Variants in CACNA1I observed in about 807,000 individuals in gnomAD.
CACNA1I encodes calcium voltage-gated channel subunit alpha1 I, also known as voltage-dependent T-type calcium channel subunit alpha-1I.
Under a neutral mutation model 201.6 loss-of-function variants are expected in CACNA1I, and 74 were observed. The observed-to-expected ratio is 0.37, with a 90% confidence interval of 0.30 to 0.45. The LOEUF is 0.45. Ranked by LOEUF, CACNA1I falls within the 20% of genes least tolerant of loss-of-function variation. The pLI is 1.00. For missense variants in CACNA1I, 2,346 were observed against 3,138.1 expected (o/e 0.75, Z 6.03); for synonymous variants, 1,431 against 1,345.2 (o/e 1.06, Z -1.40).
intron 3 of CACNA1I, among the ~76,000 whole-genome samples, chr22:39,601,933 C>CT (rs1933061285): frequency 2.7e-5 from 1 of 36,634 alleles, no homozygotes; most frequent in African/African-American, 2.2e-4. Flanking sequence ...TTCCTTCCTG[C>CT]CTTCCTTCCT....
chr22:39,585,840 A>G (rs1461244474), intron 1 of CACNA1I, among the ~76,000 whole-genome samples: 1 of 141,128 alleles, frequency 7.1e-6, no homozygotes. Context: ...CTGGGGCTAT[A>G]GTGCACCACT....
In CACNA1I at chr22:39,570,795, C is replaced by T. The variant is rs1311458887; in HGVS notation, c.43C>T (p.Pro15Ser). ...CCCGCCCTCCTCATCTGCAGCAGCC[C>T]CAGCCGCTGAGCCAGGAGTCACCAC... ...ASPPSSSAAA[P>S]AAEPGVTTEQ... is the part of the protein sequence containing the mutation. The change falls in exon 1 of 37, where the codon CCA becomes TCA. Residue 15 changes from proline to serine, a missense_variant. Around this residue, in one of 13 missense-constraint regions of CACNA1I, gnomAD observed 130 missense variants for 160.7 expected, o/e 0.81. Coordinates refer to ENST00000402142, the MANE Select transcript of CACNA1I (RefSeq NM_021096.4). The T allele has an allele frequency of 1.2e-6, 2 of 1,612,920 alleles. No homozygotes were observed. Among genetic ancestry groups the T allele is most frequent in the East Asian group, 4.5e-5 (2 of 44,872 alleles).
chr22:39,651,466 C>T (rs374134003), intron 10 of CACNA1I, among the ~76,000 whole-genome samples: 2 of 152,342 alleles, frequency 1.3e-5, no homozygotes, highest in East Asian at 1.9e-4. Flanking sequence ...GGAGGGCTAG[C>T]GAGAGGGCTC....
rs1240665570 is a variant in CACNA1I, at chr22:39,688,804, G to A, written c.*2399G>A. 2 of 152,438 alleles carry A rather than the reference G, an allele frequency of 1.3e-5. No individual in the cohort carries two copies. The highest frequency in any genetic ancestry group is 2.9e-5 in the Non-Finnish European group (2 of 68,190). The allele number at this position is 152,438 out of a possible 1,614,324, so 9.4% of individuals were successfully genotyped here. On this transcript the variant is annotated 3_prime_UTR_variant, in exon 37 of 37. Transcript: ENST00000402142. The surrounding 1 kb of genome is among the most constrained non-coding windows in gnomAD (Gnocchi z 4.8). ...GTTCTAGGCAAAGGGATGGGCATGA[G>A]CGAAGGCTCCAGGGTCCACAGAGCA...
rs771150708 is a variant in CACNA1I, at chr22:39,670,880, C to T, written c.4465C>T (p.Leu1489=). ...LIHSMCTSHY[L]DIFITFIICL... Reference sequence around the variant, plus strand: ...CCACTCCATGTGCACCAGCCACTACCTGGACATCTTCATCACCTTCATCAT... The same window carrying T: ...CCACTCCATGTGCACCAGCCACTACTTGGACATCTTCATCACCTTCATCAT... The change falls in exon 26 of 37, where the codon CTG becomes TTG. Residue 1489 remains leucine (L), a synonymous_variant. Transcript: ENST00000402142. 1 of 1,613,916 alleles carries T rather than the reference C, an allele frequency of 6.2e-7. No homozygotes were observed. The highest frequency in any genetic ancestry group is 8.5e-7 in the Non-Finnish European group (1 of 1,179,828).
intron 35 of CACNA1I, among the ~76,000 whole-genome samples, chr22:39,683,819 C>T (rs890216731): frequency 2.0e-5 from 3 of 152,008 alleles, no homozygotes; most frequent in Non-Finnish European, 2.9e-5. Context: ...TAGCGCCTGA[C>T]CCGGGGCTGG....
At chr22:39,585,323 A>G (rs1932709060) in intron 1 of CACNA1I, among the ~76,000 whole-genome samples, 1 of 151,538 alleles carries the variant, frequency 6.6e-6, no homozygotes, top group Admixed American at 6.6e-5. Flanking sequence ...TTGGCCTCCC[A>G]AAGTGCTGGG....
intron 7 of CACNA1I, among the ~76,000 whole-genome samples, chr22:39,645,628 C>T (rs1056927331): frequency 2.6e-5 from 4 of 152,220 alleles, no homozygotes; most frequent in Admixed American, 2.6e-4. Flanking sequence ...TCTAGCTCCT[C>T]AGTCATCACT....
At position 39,687,550 on chromosome 22, in the gene CACNA1I, G is replaced by A. The variant is rs1205074347; in HGVS notation, c.*1145G>A. The stretch of plus-strand genomic sequence containing the variant: ...CAGCTCTGACCGAATTCTAGGCAGG[G>A]GTGGGGGCACCTGCCTGGGCCCTGG... On this transcript the variant is annotated 3_prime_UTR_variant, in exon 37 of 37. Transcript: ENST00000402142. The A allele has an allele frequency of 6.6e-6, 1 of 152,238 alleles. No homozygotes were observed. The highest frequency in any genetic ancestry group is 1.5e-5 in the Non-Finnish European group (1 of 68,112). The allele number at this position is 152,238 out of a possible 1,614,324, so 9.4% of individuals were successfully genotyped here. A position where few individuals can be genotyped will look rare whatever the true frequency, so the allele number is the denominator to read the frequency against.
At chr22:39,669,067 C>T (rs956434502) in intron 24 of CACNA1I, among the ~76,000 whole-genome samples, 5 of 151,938 alleles carry the variant, frequency 3.3e-5, no homozygotes, top group African/African-American at 7.3e-5. Context: ...TGGGGCTAGG[C>T]GGGGACTTTA....
chr22:39,655,899 G>C (rs1325788164), intron 10 of CACNA1I, among the ~76,000 whole-genome samples: 1 of 152,256 alleles, frequency 6.6e-6, no homozygotes, highest in African/African-American at 2.4e-5. Context: ...GTGGCTCCCT[G>C]CATCCCTGGT....
Position 39,570,827 on chromosome 22 carries a change from G to A in CACNA1I, c.75G>A (p.Gln25=), listed in dbSNP as rs770201859. Residue 25 remains glutamine, a synonymous_variant, in exon 1 of 37, where the codon CAG becomes CAA. Coordinates refer to ENST00000402142, the MANE Select transcript of CACNA1I (RefSeq NM_021096.4). Reference sequence around the variant, plus strand: ...CTGAGCCAGGAGTCACCACGGAGCAGCCCGGACCCCGGAGCCCCCCATCCT... The same window carrying A: ...CTGAGCCAGGAGTCACCACGGAGCAACCCGGACCCCGGAGCCCCCCATCCT... The part of the protein sequence containing the change: ...PAAEPGVTTE[Q]PGPRSPPSSP... 3 of 1,613,480 alleles carry A rather than the reference G, an allele frequency of 1.9e-6. No homozygotes were observed. Among genetic ancestry groups the A allele is most frequent in the South Asian group, 2.2e-5 (2 of 91,060 alleles).
intron 2 of CACNA1I, 60 bp downstream of exon 2, chr22:39,598,322 C>A: frequency 1.2e-6 from 1 of 837,862 alleles, no homozygotes; most frequent in Non-Finnish European, 1.9e-6. Context: ...CCGGCCTATG[C>A]CCCGCCCACT....
Position 39,668,388 on chromosome 22 carries a change from G to A in CACNA1I, c.4194+7G>A, listed in dbSNP as rs1231777410. The A allele has an allele frequency of 3.1e-6, 5 of 1,596,654 alleles. No individual in the cohort carries two copies. The South Asian group carries it at 3.3e-5, about 11-fold the overall frequency. Reference sequence around the variant, plus strand: ...TGTTGCTGTGGACCAGCAGGTGGGTGTAGCTGGGACCAGGCCAAGCCTTGA... The same window carrying A: ...TGTTGCTGTGGACCAGCAGGTGGGTATAGCTGGGACCAGGCCAAGCCTTGA... On this transcript the variant is annotated splice_region_variant and intron_variant, in intron 24 of 36. Transcript: ENST00000402142.
At position 39,658,943 on chromosome 22, in the gene CACNA1I, T is replaced by C. The variant is rs5757761; in HGVS notation, c.2157T>C (p.Ile719=). 0.57 allele frequency: 912,971 copies of C among 1,595,552 alleles called. 270,889 individuals carry two copies. Among genetic ancestry groups the C allele is most frequent in the East Asian group, 0.99 (44,090 of 44,390 alleles). The change falls in exon 12 of 37, where the codon ATT becomes ATC. Residue 719 remains isoleucine (I), a synonymous_variant. Coordinates refer to ENST00000402142, the MANE Select transcript of CACNA1I (RefSeq NM_021096.4). ...TGCGGGACCGCAGCATCTGGGAGAT[T>C]GTGGGGCAGGCGGACGGTGGGCTGT... ...SIIVIISIWE[I]VGQADGGLSV... is the part of the protein sequence containing the mutation.
In CACNA1I at chr22:39,665,428, T is replaced by C; in HGVS notation, c.3852-70T>C. 1.3e-6 allele frequency: 2 copies of C among 1,581,648 alleles called. No homozygotes were observed. The highest frequency in any genetic ancestry group is 8.6e-7 in the Non-Finnish European group (1 of 1,160,128). On this transcript the variant is annotated intron_variant, in intron 21 of 36. Coordinates refer to ENST00000402142, the MANE Select transcript of CACNA1I (RefSeq NM_021096.4). This position sits in a 1 kb window ranked among gnomAD's most constrained non-coding sequence, Gnocchi z 5.5. Reference sequence around the variant, plus strand: ...CTGGGATACTCAGCCCTGGTGACTCTGGGCTGAGTAGGGGCTGCCTCCTGG... The same window carrying C: ...CTGGGATACTCAGCCCTGGTGACTCCGGGCTGAGTAGGGGCTGCCTCCTGG...
At position 39,662,237 on chromosome 22, in the gene CACNA1I, C is replaced by T; in HGVS notation, c.3174C>T (p.Ser1058=). 1 of 1,529,180 alleles carries T rather than the reference C, an allele frequency of 6.5e-7. No homozygotes were observed. The allele number at this position is 1,529,180 out of a possible 1,614,324, so 94.7% of individuals were successfully genotyped here. A position where few individuals can be genotyped will look rare whatever the true frequency, so the allele number is the denominator to read the frequency against. ...ACCGCCACCACCGCCGGACGCTGTC[C>T]CTCGACAACAGGGACTCGGTGGACC... The part of the protein sequence containing the change: ...HRHRHHRRTL[S]LDNRDSVDLA... The change falls in exon 17 of 37, where the codon TCC becomes TCT. Residue 1058 remains serine (S), a synonymous_variant. Coordinates refer to ENST00000402142, the MANE Select transcript of CACNA1I (RefSeq NM_021096.4).
rs1025443097 is a variant in CACNA1I at position 39,668,441 on chromosome 22, G to A, written c.4194+60G>A. The A allele has an allele frequency of 2.4e-5, 28 of 1,144,478 alleles. No individual in the cohort carries two copies. In the African/African-American group the frequency reaches 3.9e-4, roughly 16 times the overall value. 70.9% of individuals were successfully genotyped at this position (1,144,478 alleles called of 1,614,324 possible). On this transcript the variant is annotated intron_variant, in intron 24 of 36. Transcript: ENST00000402142. ...CAGGGAGGAACATGGTGTCCTTGGG[G>A]CCCAGTGGTTTGAATTTGAAACTGG...
At chr22:39,573,674 A>T (rs978105354) in intron 1 of CACNA1I, among the ~76,000 whole-genome samples, 1 of 152,052 alleles carries the variant, frequency 6.6e-6, no homozygotes, top group African/African-American at 2.4e-5. Context: ...CTGGGAACCC[A>T]CCCAGTTTTC....
Sources: gnomAD v4.1 joint callset for allele counts (sites outside exome capture counted in the v4.1 genomes callset) on GRCh38, gnomAD v4.1.1 for gene constraint, gnomAD v4.1.1 regional missense constraint, Gnocchi (gnomAD v3.1) non-coding constraint, MANE v1.5 for transcripts, NCBI Gene and HGNC (gene_info 2026-07-23, HGNC 2026-07-21) for gene names.